TESK2: variants seen among roughly 807,000 people sequenced by gnomAD.
TESK2 encodes the protein dual specificity testis-specific protein kinase 2.
Under a neutral mutation model 57.1 loss-of-function variants are expected in TESK2, and 39 were observed. That is an observed-to-expected ratio of 0.68 (90% CI 0.53 to 0.89). The LOEUF (loss-of-function observed/expected upper bound fraction) is 0.89. Ranked by LOEUF, TESK2 falls within the 40% of genes least tolerant of loss-of-function variation. The pLI, the probability that TESK2 is intolerant of heterozygous loss-of-function variation, is 0.00. For missense variants in TESK2, 646 were observed against 732.1 expected (o/e 0.88, Z 1.36); for synonymous variants, 249 against 267.9 (o/e 0.93, Z 0.69).
At chr1:45,482,141 A>G (rs569403891) in intron 1 of TESK2, among the ~76,000 whole-genome samples, 141 of 152,338 alleles carry the variant, frequency 9.3e-4, no homozygotes, top group African/African-American at 3.2e-3. Flanking sequence ...TGCTTAGTGC[A>G]ATACTGTAAA....
chr1:45,344,599 C>T lies in TESK2; in HGVS notation c.*241G>A. 1.9e-6 allele frequency: 1 copy of T among 521,826 alleles called. No individual in the cohort carries two copies. Among genetic ancestry groups the T allele is most frequent in the Non-Finnish European group, 3.4e-6 (1 of 290,816 alleles). The allele number at this position is 521,826 out of a possible 1,614,324, so 32.3% of individuals were successfully genotyped here. On this transcript the variant is annotated 3_prime_UTR_variant, in exon 11 of 11. Coordinates refer to ENST00000372086, the MANE Select transcript of TESK2 (RefSeq NM_007170.3). ...ACACTGGAGAGGGTCTGGTGGGAGG[C>T]AGACCTCCTTGCTGGATTTCAGAGG...
intron 9 of TESK2, 42 bp from the exon 10 acceptor site, chr1:45,346,036 C>T (rs766290408): frequency 7.0e-7 from 1 of 1,434,270 alleles, no homozygotes; most frequent in East Asian, 2.3e-5. Flanking sequence ...CCCTCCATCT[C>T]CCACCCCAAA....
chr1:45,346,727 G>C lies in TESK2; in HGVS notation c.845C>G (p.Pro282Arg). Residue 282 changes from proline to arginine, a missense_variant, in exon 9 of 11, where the codon CCA becomes CGA. By Grantham distance (103) the Pro-to-Arg change is moderately radical. Coordinates refer to ENST00000372086, the MANE Select transcript of TESK2 (RefSeq NM_007170.3). ...GTTGAAAGTAAGTTGCAGAAAATCT[G>C]GGGGACAGTCTCCCACCATGTGCTG... ...AFQHMVGDCP[P>R]DFLQLTFNCC... The C allele has an allele frequency of 6.2e-7, 1 of 1,613,950 alleles. No individual in the cohort carries two copies. Among genetic ancestry groups the C allele is most frequent in the Non-Finnish European group, 8.5e-7 (1 of 1,179,966 alleles).
At chr1:45,446,342 G>A (rs1651648675) in intron 2 of TESK2, among the ~76,000 whole-genome samples, 2 of 151,586 alleles carry the variant, frequency 1.3e-5, no homozygotes, top group Admixed American at 1.3e-4. Flanking sequence ...ACATCTGTAG[G>A]CCTAGCTACT....
Position 45,346,955 on chromosome 1 carries a change from A to G in TESK2, c.792+24T>C, listed in dbSNP as rs1488799342. ...CTTCAAACTAGCCCCATCAGTGGCA[A>G]TGATCCCCATGCTTGCAGCTCACCT... On this transcript the variant is annotated intron_variant, in intron 8 of 10. Transcript: ENST00000372086. 3 of 1,612,646 alleles carry G rather than the reference A, an allele frequency of 1.9e-6. No homozygotes were observed. The African/African-American group carries it at 4.0e-5, about 22-fold the overall frequency.
intron 3 of TESK2, among the ~76,000 whole-genome samples, chr1:45,393,478 C>T (rs1557555401): frequency 1.3e-5 from 2 of 152,146 alleles, no homozygotes. Context: ...CATAGTGGCT[C>T]ATGTCTGTAA....
chr1:45,446,642 A>C (rs1018701436), intron 2 of TESK2, among the ~76,000 whole-genome samples: 1 of 152,176 alleles, frequency 6.6e-6, no homozygotes, highest in Non-Finnish European at 1.5e-5. Flanking sequence ...TAGAATTAGA[A>C]AACAATGAAC....
rs190757279 is a variant in TESK2 at position 45,425,062 on chromosome 1, C to A, written c.223-3216G>T. On this transcript the variant is annotated intron_variant, in intron 2 of 10. Coordinates refer to ENST00000372086, the MANE Select transcript of TESK2 (RefSeq NM_007170.3). Reference sequence around the variant, plus strand: ...ATAGTACTGGACACCCTAGCTAGAGCAATCAGACAAGAGAAAGAAATAAAG... The same window carrying A: ...ATAGTACTGGACACCCTAGCTAGAGAAATCAGACAAGAGAAAGAAATAAAG... Among the ~76,000 whole-genome samples, 85 of 152,184 alleles carry A rather than the reference C, an allele frequency of 5.6e-4. No individual in the cohort carries two copies. The East Asian group carries it at 0.013, about 23-fold the overall frequency.
At chr1:45,403,818 G>T (rs1033775198) in intron 3 of TESK2, among the ~76,000 whole-genome samples, 3 of 119,974 alleles carry the variant, frequency 2.5e-5, no homozygotes, top group Admixed American at 1.9e-4. Flanking sequence ...ATTAAACAAA[G>T]AATGAATTTA....
intron 2 of TESK2, among the ~76,000 whole-genome samples, chr1:45,449,423 T>C (rs1294990360): frequency 6.6e-6 from 1 of 152,112 alleles, no homozygotes; most frequent in African/African-American, 2.4e-5. Flanking sequence ...TTATTCATAA[T>C]TGTCAACATA....
chr1:45,392,853 A>G (rs952121119), intron 3 of TESK2, among the ~76,000 whole-genome samples: 4 of 152,226 alleles, frequency 2.6e-5, no homozygotes, highest in Admixed American at 1.3e-4. Flanking sequence ...AAGGCTTTTA[A>G]GAGTACAGAT....
intron 1 of TESK2, among the ~76,000 whole-genome samples, chr1:45,478,299 T>C (rs1261378760): frequency 1.3e-5 from 2 of 152,248 alleles, no homozygotes; most frequent in African/African-American, 4.8e-5. Flanking sequence ...TCTCATTTTC[T>C]GTGCTTTGAT....
intron 2 of TESK2, among the ~76,000 whole-genome samples, chr1:45,442,488 C>A (rs750129864): frequency 4.6e-5 from 7 of 152,130 alleles, no homozygotes; most frequent in Non-Finnish European, 8.8e-5. Context: ...CAATTATACT[C>A]CCAAACAAAA....
At chr1:45,387,628 G>A (rs1432951455) in intron 3 of TESK2, among the ~76,000 whole-genome samples, 1 of 152,160 alleles carries the variant, frequency 6.6e-6, no homozygotes, top group Non-Finnish European at 1.5e-5. Context: ...AGTAAACAAA[G>A]AGTAAGCAAA....
intron 1 of TESK2, among the ~76,000 whole-genome samples, chr1:45,481,720 C>CA (rs141550980): frequency 0.052 from 7,874 of 151,564 alleles, 710 homozygotes; most frequent in African/African-American, 0.18. Flanking sequence ...CTAGAAACAT[C>CA]AAAAAAATTA....
intron 2 of TESK2, among the ~76,000 whole-genome samples, chr1:45,451,538 C>A (rs72894355): frequency 1.4e-3 from 207 of 152,156 alleles, no homozygotes; most frequent in African/African-American, 4.8e-3. Context: ...GGGTGGTACC[C>A]GGGGTGGTGA....
chr1:45,435,150 A>C (rs1248694120), intron 2 of TESK2, among the ~76,000 whole-genome samples: 1 of 151,676 alleles, frequency 6.6e-6, no homozygotes, highest in African/African-American at 2.4e-5. Flanking sequence ...TTTTTGAGTC[A>C]GGGTATCACT....
chr1:45,373,950 G>A (rs1291257069), intron 4 of TESK2, among the ~76,000 whole-genome samples: 1 of 152,154 alleles, frequency 6.6e-6, no homozygotes, highest in African/African-American at 2.4e-5. Context: ...CACTTATCAA[G>A]TTAGGAAAAT....
chr1:45,394,825 G>A (rs531911104), intron 3 of TESK2, among the ~76,000 whole-genome samples: 1 of 151,282 alleles, frequency 6.6e-6, no homozygotes, highest in South Asian at 2.1e-4. Flanking sequence ...CGAGTAGCTG[G>A]GATTAGAGGC....
Sources: gnomAD v4.1 joint callset for allele counts (sites outside exome capture counted in the v4.1 genomes callset) on GRCh38, gnomAD v4.1.1 for gene constraint, MANE v1.5 for transcripts, NCBI Gene and HGNC (gene_info 2026-07-23, HGNC 2026-07-21) for gene names.